MKLN1: variants seen among roughly 807,000 people sequenced by gnomAD.
MKLN1 encodes the protein muskelin 1.
MKLN1 carries 18 observed loss-of-function variants against 99.0 expected under a neutral mutation model. That is an observed-to-expected ratio of 0.18 (90% CI 0.13 to 0.27). The LOEUF (loss-of-function observed/expected upper bound fraction) is 0.27, where lower values mean the gene tolerates loss of function less well. Ranked by LOEUF, MKLN1 falls within the 10% of genes least tolerant of loss-of-function variation. MKLN1 has a pLI of 1.00. For synonymous variants in MKLN1, 288 were observed against 293.2 expected, an observed-to-expected ratio of 0.98 and a Z score of 0.18; for missense variants, 621 against 875.9, an observed-to-expected ratio of 0.71 and a Z score of 3.67.
In MKLN1 at chr7:131,488,947, T is replaced by C. The variant is rs1797357447; in HGVS notation, c.*1219T>C. On this transcript the variant is annotated 3_prime_UTR_variant, in exon 18 of 18. Transcript: ENST00000352689. ...GTACATGTCTTCTGATGATGTGCTG[T>C]GGAATGCAATGTGGGAAACCTACAT... is the stretch of plus-strand genomic sequence containing the variant. 6.6e-6 allele frequency: 1 copy of C among 152,182 alleles called. No individual in the cohort carries two copies. The highest frequency in any genetic ancestry group is 1.5e-5 in the Non-Finnish European group (1 of 68,020). The allele number at this position is 152,182 out of a possible 1,614,324, so 9.4% of individuals were successfully genotyped here. A position where few individuals can be genotyped will look rare whatever the true frequency, so the allele number is the denominator to read the frequency against.
Position 131,487,573 on chromosome 7 carries a change from C to T in MKLN1, c.2087-34C>T. The T allele has an allele frequency of 6.2e-7, 1 of 1,600,298 alleles. No individual in the cohort carries two copies. Among genetic ancestry groups the T allele is most frequent in the Non-Finnish European group, 8.5e-7 (1 of 1,175,120 alleles). The stretch of plus-strand genomic sequence containing the variant: ...TAGTTTTTCTGTTACATGTTTTAAA[C>T]ACAATGGATGTTTCTTTGTATCTTC... On this transcript the variant is annotated intron_variant, in intron 17 of 17. Coordinates refer to ENST00000352689, the MANE Select transcript of MKLN1 (RefSeq NM_013255.5). This position sits in a 1 kb window ranked among gnomAD's most constrained non-coding sequence, Gnocchi z 4.7.
intron 1 of MKLN1, among the ~76,000 whole-genome samples, chr7:131,338,059 C>A (rs562819028): frequency 6.6e-6 from 1 of 152,286 alleles, no homozygotes; most frequent in African/African-American, 2.4e-5. Flanking sequence ...AACTTGGTAG[C>A]CCCCTAGAGA....
intron 3 of MKLN1, among the ~76,000 whole-genome samples, chr7:131,266,756 T>A (rs1478023241): frequency 2.6e-5 from 4 of 151,886 alleles, no homozygotes; most frequent in Non-Finnish European, 5.9e-5. Flanking sequence ...TTACCTCCAT[T>A]TTCTTAAGCT....
intron 1 of MKLN1, among the ~76,000 whole-genome samples, chr7:131,328,647 G>C (rs1293903695): frequency 6.6e-6 from 1 of 152,176 alleles, no homozygotes; most frequent in Non-Finnish European, 1.5e-5. Context: ...CGTTACCGAA[G>C]AATTTCAGTA....
intron 3 of MKLN1, among the ~76,000 whole-genome samples, chr7:131,298,858 A>T (rs80322823): frequency 2.0e-5 from 3 of 152,262 alleles, no homozygotes; most frequent in Non-Finnish European, 2.9e-5. Context: ...AACGAGGGTC[A>T]ACTATCAAGC....
chr7:131,434,455 T>C (rs1338491726), intron 9 of MKLN1, among the ~76,000 whole-genome samples: 1 of 152,188 alleles, frequency 6.6e-6, no homozygotes, highest in Non-Finnish European at 1.5e-5. Context: ...TCACTTTAAG[T>C]CTACTTATTT....
intron 6 of MKLN1, among the ~76,000 whole-genome samples, chr7:131,399,937 A>AAC (rs1226803177): frequency 2.0e-5 from 3 of 152,130 alleles, no homozygotes; most frequent in Admixed American, 2.0e-4. Context: ...TGAATAGTTG[A>AAC]ACATCTGTAT....
At chr7:131,263,173 T>C (rs1367707079) in intron 3 of MKLN1, among the ~76,000 whole-genome samples, 1 of 152,008 alleles carries the variant, frequency 6.6e-6, no homozygotes, top group Non-Finnish European at 1.5e-5. Context: ...ATGAGGCCAA[T>C]ACCGATTACT....
chr7:131,220,436 C>A (rs1480540723), intron 3 of MKLN1, among the ~76,000 whole-genome samples: 2 of 110,366 alleles, frequency 1.8e-5, no homozygotes, highest in Admixed American at 1.1e-4. Context: ...GTAATAGGTT[C>A]ATTGCCCAAT....
At chr7:131,162,000 TGTAACAGAGTGATATACAA>T (rs1563236303) in intron 2 of MKLN1, among the ~76,000 whole-genome samples, 4 of 127,024 alleles carry the variant, frequency 3.1e-5, no homozygotes, top group Admixed American at 8.2e-5. Flanking sequence ...TATATATATA[TGTAACAGAGTGATATACAA>T]ATATATATAT....
intron 1 of MKLN1, among the ~76,000 whole-genome samples, chr7:131,352,992 G>A (rs1799764592): frequency 6.6e-6 from 1 of 152,100 alleles, no homozygotes; most frequent in African/African-American, 2.4e-5. Context: ...ATTTAGATGT[G>A]CCACAATTTG....
chr7:131,351,064 C>G (rs1455831796), intron 1 of MKLN1, among the ~76,000 whole-genome samples: 1 of 151,988 alleles, frequency 6.6e-6, no homozygotes, highest in African/African-American at 2.4e-5. Flanking sequence ...GTTGTTATGT[C>G]CCTTTTACAA....
chr7:131,116,582 A>G (rs996871179), intron 1 of MKLN1, among the ~76,000 whole-genome samples: 2 of 152,110 alleles, frequency 1.3e-5, no homozygotes, highest in Non-Finnish European at 2.9e-5. Flanking sequence ...TAGAATAAAA[A>G]AATTGACTAA....
intron 2 of MKLN1, among the ~76,000 whole-genome samples, chr7:131,183,848 A>G (rs1796409804): frequency 6.6e-6 from 1 of 152,034 alleles, no homozygotes; most frequent in African/African-American, 2.4e-5. Flanking sequence ...TGAATCTTTG[A>G]ATTCTTTTTA....
intron 3 of MKLN1, chr7:131,310,115 A>G (rs185757785): frequency 2.0e-4 from 31 of 152,332 alleles, no homozygotes; most frequent in African/African-American, 7.2e-4. Flanking sequence ...TTGATTGGCT[A>G]TCCATTATTA....
intron 6 of MKLN1, among the ~76,000 whole-genome samples, chr7:131,407,553 G>A: frequency 6.6e-6 from 1 of 151,832 alleles, no homozygotes; most frequent in East Asian, 1.9e-4. Context: ...GTAGGGCTGT[G>A]TTCCAGGATA....
At chr7:131,396,799 A>G (rs778954274) in intron 4 of MKLN1, among the ~76,000 whole-genome samples, 2 of 152,074 alleles carry the variant, frequency 1.3e-5, no homozygotes, top group African/African-American at 4.8e-5. Flanking sequence ...ATTTTTTGCA[A>G]CTTTTCTCCT....
intron 3 of MKLN1, among the ~76,000 whole-genome samples, chr7:131,281,642 A>G (rs1469900288): frequency 1.3e-5 from 2 of 151,972 alleles, no homozygotes; most frequent in Non-Finnish European, 2.9e-5. Context: ...GTATAGAAAT[A>G]CAATTGATTT....
At chr7:131,321,887 C>T (rs181713341) in intron 3 of MKLN1, among the ~76,000 whole-genome samples, 15 of 152,358 alleles carry the variant, frequency 9.8e-5, no homozygotes, top group Non-Finnish European at 1.9e-4. Context: ...ACATTTCTAT[C>T]TGATCTCAGC....
Sources: gnomAD v4.1 joint callset for allele counts (sites outside exome capture counted in the v4.1 genomes callset) on GRCh38, gnomAD v4.1.1 for gene constraint, Gnocchi (gnomAD v3.1) non-coding constraint, MANE v1.5 for transcripts, NCBI Gene and HGNC (gene_info 2026-07-23, HGNC 2026-07-21) for gene names.